TDRD3: variants seen among roughly 807,000 people sequenced by gnomAD.
The protein encoded by TDRD3 is tudor domain-containing protein 3.
TDRD3 carries 45 observed loss-of-function variants against 86.7 expected under a neutral mutation model. The ratio of observed to expected loss-of-function variants is 0.52; its 90% confidence interval spans 0.41 to 0.67. The LOEUF is 0.67. Among genes scored for constraint, TDRD3 ranks in the 30% least tolerant of loss-of-function variants. TDRD3 has a pLI of 0.00. For missense variants in TDRD3, 814 were observed against 889.0 expected (o/e 0.92, Z 1.07); for synonymous variants, 298 against 301.7 (o/e 0.99, Z 0.13).
intron 1 of TDRD3, among the ~76,000 whole-genome samples, chr13:60,425,309 A>C (rs79952115): frequency 0.1 from 15,741 of 152,184 alleles, 1,016 homozygotes; most frequent in African/African-American, 0.18. Flanking sequence ...AACCACTATG[A>C]TGTATCACCT....
intron 12 of TDRD3, among the ~76,000 whole-genome samples, chr13:60,547,934 T>C (rs1957970703): frequency 1.3e-5 from 2 of 152,126 alleles, no homozygotes; most frequent in African/African-American, 4.8e-5. Context: ...ATTCAGACAG[T>C]GTTGAGGAGA....
intron 8 of TDRD3, among the ~76,000 whole-genome samples, chr13:60,502,345 A>T (rs1262763429): frequency 6.6e-6 from 1 of 152,220 alleles, no homozygotes; most frequent in African/African-American, 2.4e-5. Flanking sequence ...AAACTAAAAA[A>T]CAATTAATGA....
intron 1 of TDRD3, among the ~76,000 whole-genome samples, chr13:60,418,694 A>G (rs1200018522): frequency 6.6e-6 from 1 of 152,216 alleles, no homozygotes; most frequent in Non-Finnish European, 1.5e-5. Context: ...TCTAAATGTT[A>G]TATAGAATGT....
At chr13:60,463,656 A>AC (rs374780699) in intron 4 of TDRD3, among the ~76,000 whole-genome samples, 10 of 152,182 alleles carry the variant, frequency 6.6e-5, no homozygotes, top group African/African-American at 2.4e-4. Flanking sequence ...AGCTCAAATA[A>AC]TAGCAAAAAA....
intron 8 of TDRD3, among the ~76,000 whole-genome samples, chr13:60,505,431 A>G (rs1307196406): frequency 6.6e-6 from 1 of 152,190 alleles, no homozygotes; most frequent in Non-Finnish European, 1.5e-5. Flanking sequence ...AGAAAGGCAG[A>G]TGCCTCAGCC....
At chr13:60,540,620 A>C (rs1251294861) in intron 12 of TDRD3, among the ~76,000 whole-genome samples, 1 of 152,194 alleles carries the variant, frequency 6.6e-6, no homozygotes, top group East Asian at 1.9e-4. Context: ...CTTGAGGTTT[A>C]GTTTTGATCT....
intron 5 of TDRD3, among the ~76,000 whole-genome samples, chr13:60,481,446 T>C (rs1359951577): frequency 6.6e-6 from 1 of 151,424 alleles, no homozygotes; most frequent in African/African-American, 2.4e-5. Context: ...TTTTTTACCC[T>C]AGGCTTTTCC....
chr13:60,531,317 T>C (rs904074851), intron 11 of TDRD3, among the ~76,000 whole-genome samples: 1 of 152,174 alleles, frequency 6.6e-6, no homozygotes, highest in Non-Finnish European at 1.5e-5. Flanking sequence ...AGGAACTGTT[T>C]GTTTTGAGTA....
chr13:60,532,909 A>C (rs2137804450), intron 11 of TDRD3, among the ~76,000 whole-genome samples: 1 of 152,300 alleles, frequency 6.6e-6, no homozygotes, highest in South Asian at 2.1e-4. Flanking sequence ...TATAGATTTT[A>C]GCATTTTTAT....
At chr13:60,537,524 G>A (rs1957724774) in intron 12 of TDRD3, 1 of 151,956 alleles carries the variant, frequency 6.6e-6, no homozygotes, top group Admixed American at 6.6e-5. Flanking sequence ...GGGTCTTTGA[G>A]TACTTTTTAA....
intron 12 of TDRD3, among the ~76,000 whole-genome samples, chr13:60,561,190 T>G (rs1231616464): frequency 6.6e-6 from 1 of 152,168 alleles, no homozygotes; most frequent in Non-Finnish European, 1.5e-5. Context: ...TTTTTTTCAA[T>G]TTAGGTATAT....
At chr13:60,516,204 A>G (rs1957164905) in intron 10 of TDRD3, among the ~76,000 whole-genome samples, 1 of 152,112 alleles carries the variant, frequency 6.6e-6, no homozygotes, top group Non-Finnish European at 1.5e-5. Flanking sequence ...GATTTTGTTT[A>G]GTTTTAGTAC....
At chr13:60,423,415 A>G (rs1954714494) in intron 1 of TDRD3, among the ~76,000 whole-genome samples, 1 of 152,206 alleles carries the variant, frequency 6.6e-6, no homozygotes, top group African/African-American at 2.4e-5. Context: ...AGATGTAAAC[A>G]ATATAGCCAA....
chr13:60,562,445 T>C (rs906988217), intron 12 of TDRD3, among the ~76,000 whole-genome samples: 3 of 152,200 alleles, frequency 2.0e-5, no homozygotes, highest in African/African-American at 7.2e-5. Context: ...TATTTTAAGT[T>C]TTATTAAAGT....
chr13:60,427,462 T>C (rs1037543081), intron 1 of TDRD3, among the ~76,000 whole-genome samples: 1 of 152,168 alleles, frequency 6.6e-6, no homozygotes, highest in Non-Finnish European at 1.5e-5. Context: ...AGCAGCTCCA[T>C]CCTCTTTTCA....
intron 3 of TDRD3, among the ~76,000 whole-genome samples, chr13:60,454,383 A>T (rs936065910): frequency 3.3e-5 from 5 of 151,868 alleles, no homozygotes; most frequent in African/African-American, 9.7e-5. Flanking sequence ...GGGGCTTAAA[A>T]TTTTTTTTAA....
At chr13:60,565,497 AATTCT>A (rs1958438332) in intron 12 of TDRD3, among the ~76,000 whole-genome samples, 1 of 152,144 alleles carries the variant, frequency 6.6e-6, no homozygotes, top group Non-Finnish European at 1.5e-5. Context: ...TCAGTTCGTG[AATTCT>A]TTAAACACAA....
At chr13:60,474,786 CCTCT>C (rs1956149673) in intron 5 of TDRD3, among the ~76,000 whole-genome samples, 1 of 152,074 alleles carries the variant, frequency 6.6e-6, no homozygotes, top group African/African-American at 2.4e-5. Flanking sequence ...CATTTCCGTC[CCTCT>C]CTCTTTTCTT....
intron 3 of TDRD3, among the ~76,000 whole-genome samples, chr13:60,449,335 A>G (rs1347831252): frequency 6.6e-6 from 1 of 152,154 alleles, no homozygotes; most frequent in South Asian, 2.1e-4. Context: ...TAAAACTTTC[A>G]TGCTTTATTT....
Sources: gnomAD v4.1 joint callset for allele counts (sites outside exome capture counted in the v4.1 genomes callset) on GRCh38, gnomAD v4.1.1 for gene constraint, MANE v1.5 for transcripts, NCBI Gene and HGNC (gene_info 2026-07-23, HGNC 2026-07-21) for gene names.